Variants in EPHA6 observed in about 807,000 individuals in gnomAD.
EPHA6 encodes ephrin type-A receptor 6.
Under a neutral mutation model 112.0 loss-of-function variants are expected in EPHA6, and 50 were observed. That is an observed-to-expected ratio of 0.45 (90% CI 0.36 to 0.56). The LOEUF (loss-of-function observed/expected upper bound fraction) is 0.56. Ranked by LOEUF, EPHA6 falls within the 20% of genes least tolerant of loss-of-function variation. The pLI, the probability that EPHA6 is intolerant of heterozygous loss-of-function variation, is 0.00. For missense variants in EPHA6, 1,280 were observed against 1,417.4 expected, an observed-to-expected ratio of 0.90 and a Z score of 1.56; for synonymous variants, 529 against 490.7, an observed-to-expected ratio of 1.08 and a Z score of -1.03.
At position 97,214,032 on chromosome 3, in the gene EPHA6, T is replaced by TGAGAGA. The variant is rs1328519658; in HGVS notation, c.1115-12231_1115-12230insAGAGAG. Among the ~76,000 whole-genome samples the TGAGAGA allele has an allele frequency of 3.7e-5, 5 of 136,904 alleles. No homozygotes were observed. In the South Asian group the frequency reaches 6.4e-4, roughly 17 times the overall value. 89.8% of individuals were successfully genotyped at this position (136,904 alleles called of 152,430 possible). On this transcript the variant is annotated intron_variant, in intron 3 of 17. Transcript: ENST00000389672. ...GTGTGTGTGTGTGTGTGTGTGTGTG[T>TGAGAGA]GTGTGTGAGAGAGAGAGAGAGAGGG...
intron 13 of EPHA6, among the ~76,000 whole-genome samples, chr3:97,624,684 G>A (rs1012342207): frequency 1.3e-5 from 2 of 151,422 alleles, no homozygotes; most frequent in African/African-American, 4.8e-5. Flanking sequence ...TCAGGTCCAA[G>A]GATTTTCTTT....
At position 97,078,868 on chromosome 3, in the gene EPHA6, G is replaced by A. The variant is rs574529508; in HGVS notation, c.1114+90875G>A. 3.0e-4 allele frequency among the ~76,000 whole-genome samples: 46 copies of A among 152,180 alleles called. No individual in the cohort carries two copies. The South Asian group carries it at 9.3e-3, about 31-fold the overall frequency. On this transcript the variant is annotated intron_variant, in intron 3 of 17. Transcript: ENST00000389672. ...AATCTACTACTGGTGAGGATGCTGT[G>A]ATCATTGTTGAAATGACAACAAGGA...
chr3:97,057,137 A>G (rs1263091177), intron 3 of EPHA6, among the ~76,000 whole-genome samples: 1 of 152,238 alleles, frequency 6.6e-6, no homozygotes, highest in Non-Finnish European at 1.5e-5. Flanking sequence ...AAGAATAGTG[A>G]CATGTGTGTG....
chr3:97,582,657 A>G (rs1173174067), intron 11 of EPHA6, among the ~76,000 whole-genome samples: 1 of 152,104 alleles, frequency 6.6e-6, no homozygotes, highest in Non-Finnish European at 1.5e-5. Context: ...GCTGCTTTCA[A>G]TTGTTTCAAG....
In EPHA6 at chr3:97,541,913, A is replaced by G. The variant is rs114010609; in HGVS notation, c.2386+9370A>G. ...ATATAAAGGGGAGTTAATATTAAGT[A>G]TTAACTCACATGATTAGAAGGTCCC... On this transcript the variant is annotated intron_variant, in intron 11 of 17. Transcript: ENST00000389672. Among the ~76,000 whole-genome samples, 429 of 151,724 alleles carry G rather than the reference A, an allele frequency of 2.8e-3. 4 individuals are homozygous for G. Among genetic ancestry groups the G allele is most frequent in the African/African-American group, 9.5e-3 (392 of 41,416 alleles).
intron 5 of EPHA6, among the ~76,000 whole-genome samples, chr3:97,287,531 TA>T (rs2080516366): frequency 6.6e-6 from 1 of 152,068 alleles, no homozygotes; most frequent in Admixed American, 6.5e-5. Flanking sequence ...GTTAACATAA[TA>T]ATGGCCTTTG....
intron 3 of EPHA6, among the ~76,000 whole-genome samples, chr3:97,115,523 A>G (rs542235090): frequency 9.7e-4 from 148 of 151,982 alleles, no homozygotes; most frequent in African/African-American, 3.4e-3. Context: ...TGGCAGAACC[A>G]GATCTGTTTA....
At chr3:97,128,323 C>A (rs894879431) in intron 3 of EPHA6, among the ~76,000 whole-genome samples, 2 of 152,116 alleles carry the variant, frequency 1.3e-5, no homozygotes, top group African/African-American at 4.8e-5. Flanking sequence ...ACATGCATGC[C>A]AGTGTCTTTT....
chr3:97,030,975 G>A (rs1053780418), intron 3 of EPHA6, among the ~76,000 whole-genome samples: 3 of 151,938 alleles, frequency 2.0e-5, no homozygotes, highest in Admixed American at 6.6e-5. Context: ...AAAGAATACC[G>A]ATTGATCATA....
intron 3 of EPHA6, among the ~76,000 whole-genome samples, chr3:97,136,868 C>A (rs1368131531): frequency 2.6e-5 from 4 of 152,070 alleles, no homozygotes; most frequent in Non-Finnish European, 5.9e-5. Flanking sequence ...ACCAATATTT[C>A]TTCACTAACA....
Position 97,509,511 on chromosome 3 carries a change from GC to G in EPHA6, c.2201-22844del, listed in dbSNP as rs377020801. 3.9e-3 allele frequency among the ~76,000 whole-genome samples: 592 copies of G among 152,220 alleles called. 5 individuals are homozygous for G. Among genetic ancestry groups the G allele is most frequent in the African/African-American group, 0.013 (552 of 41,542 alleles). On this transcript the variant is annotated intron_variant, in intron 10 of 17. Transcript: ENST00000389672. ...ATTTATTTAAGAATGTTGAATATTG[GC>G]CCTCATGCTCTTCTGGCTTGTAGGG...
At chr3:97,287,958 G>T (rs989941357) in intron 5 of EPHA6, among the ~76,000 whole-genome samples, 2 of 151,762 alleles carry the variant, frequency 1.3e-5, no homozygotes, top group Non-Finnish European at 2.9e-5. Flanking sequence ...TGCAATTTTT[G>T]GGAATACTTT....
rs140555139 is a variant in EPHA6 at position 97,553,425 on chromosome 3, A to C, written c.2386+20882A>C. Among the ~76,000 whole-genome samples the C allele has an allele frequency of 1.8e-3, 267 of 152,216 alleles. 1 individual carries two copies. Among genetic ancestry groups the C allele is most frequent in the African/African-American group, 6.2e-3 (256 of 41,564 alleles). On this transcript the variant is annotated intron_variant, in intron 11 of 17. Transcript: ENST00000389672. ...TTTTATATGTTTTGGATAATTTATG[A>C]AGAAAAGAGATTTAATTGACTCACA...
intron 2 of EPHA6, among the ~76,000 whole-genome samples, chr3:96,984,755 G>A (rs1458338323): frequency 6.6e-6 from 1 of 152,172 alleles, no homozygotes; most frequent in Non-Finnish European, 1.5e-5. Flanking sequence ...AGCAATGGTG[G>A]GCGTCCCTCC....
At chr3:97,527,500 T>C (rs2092637645) in intron 10 of EPHA6, among the ~76,000 whole-genome samples, 1 of 152,142 alleles carries the variant, frequency 6.6e-6, no homozygotes, top group East Asian at 1.9e-4. Context: ...TTTTAATTGC[T>C]TCCTCTTTAC....
intron 4 of EPHA6, among the ~76,000 whole-genome samples, chr3:97,235,265 C>G (rs1474598529): frequency 6.6e-6 from 1 of 152,044 alleles, no homozygotes; most frequent in Non-Finnish European, 1.5e-5. Context: ...ATATAGTAGA[C>G]ACTAAGAACC....
intron 5 of EPHA6, among the ~76,000 whole-genome samples, chr3:97,393,165 A>C (rs541160372): frequency 1.3e-5 from 2 of 151,884 alleles, no homozygotes; most frequent in African/African-American, 2.4e-5. Context: ...GCCTATGCTA[A>C]ATTCCTAGAA....
intron 16 of EPHA6, among the ~76,000 whole-genome samples, chr3:97,741,423 C>A (rs895296310): frequency 7.2e-5 from 11 of 151,978 alleles, no homozygotes; most frequent in Non-Finnish European, 4.4e-5. Flanking sequence ...AATATAATGT[C>A]AATATCCATA....
intron 2 of EPHA6, among the ~76,000 whole-genome samples, chr3:96,984,433 C>T (rs1406367338): frequency 6.6e-6 from 1 of 152,122 alleles, no homozygotes; most frequent in Non-Finnish European, 1.5e-5. Flanking sequence ...CTGAGGGGTA[C>T]CTGGCCGTGT....
Sources: allele counts gnomAD v4.1 joint callset (sites outside exome capture counted in the v4.1 genomes callset), GRCh38; gene constraint gnomAD v4.1.1; transcripts MANE v1.5; gene names NCBI Gene and HGNC (gene_info 2026-07-23, HGNC 2026-07-21).